Variants in TGM6 observed in about 807,000 individuals in gnomAD.
TGM6 encodes transglutaminase 6.
TGM6 carries 74 observed loss-of-function variants against 77.5 expected under a neutral mutation model. That is an observed-to-expected ratio of 0.96 (90% CI 0.79 to 1.16). The LOEUF is 1.16. TGM6 is among the 50% of genes most tolerant of loss of function. The probability of loss-of-function intolerance (pLI) is 0.00; values close to 1 mark genes in which losing one functional copy is unlikely to be tolerated. For synonymous variants in TGM6, 383 were observed against 378.9 expected (o/e 1.01, Z -0.12); for missense variants, 968 against 940.2 (o/e 1.03, Z -0.39).
intron 9 of TGM6, among the ~76,000 whole-genome samples, chr20:2,406,362 A>T (rs1419331355): frequency 6.6e-6 from 1 of 151,510 alleles, no homozygotes; most frequent in East Asian, 2.0e-4. Context: ...GCATGGTGGC[A>T]TATGCCTGTA....
chr20:2,383,457 G>T (rs1162387302), intron 1 of TGM6, among the ~76,000 whole-genome samples: 2 of 152,188 alleles, frequency 1.3e-5, no homozygotes, highest in Admixed American at 1.3e-4. Context: ...GGGGCCAGCT[G>T]GTGAGCAAAT....
chr20:2,423,074 C>G (rs1014820488), intron 10 of TGM6, among the ~76,000 whole-genome samples: 1 of 148,010 alleles, frequency 6.8e-6, no homozygotes, highest in Non-Finnish European at 1.5e-5. Context: ...CAGGGTTTGA[C>G]AGGATTGACT....
intron 9 of TGM6, among the ~76,000 whole-genome samples, chr20:2,415,827 TC>T (rs2084812619): frequency 6.6e-6 from 1 of 152,038 alleles, no homozygotes; most frequent in African/African-American, 2.4e-5. Flanking sequence ...GGGGGCGCTG[TC>T]CAGTTCTTTG....
intron 1 of TGM6, among the ~76,000 whole-genome samples, chr20:2,386,469 T>A (rs2084596792): frequency 1.3e-5 from 2 of 151,954 alleles, no homozygotes; most frequent in African/African-American, 4.8e-5. Flanking sequence ...AAGAAGTGTG[T>A]TCTATGGGGT....
chr20:2,406,882 A>G (rs2084756325), intron 9 of TGM6, among the ~76,000 whole-genome samples: 1 of 148,864 alleles, frequency 6.7e-6, no homozygotes, highest in Non-Finnish European at 1.5e-5. Context: ...GCCACAGGAG[A>G]AATTAACATC....
chr20:2,420,036 A>G (rs1480554628), intron 10 of TGM6, among the ~76,000 whole-genome samples: 4 of 152,168 alleles, frequency 2.6e-5, no homozygotes, highest in Non-Finnish European at 5.9e-5. Flanking sequence ...CGAGGTCAGG[A>G]GATGGAGACC....
chr20:2,396,919 A>G (rs1428324855), intron 4 of TGM6, among the ~76,000 whole-genome samples: 2 of 152,208 alleles, frequency 1.3e-5, no homozygotes, highest in Non-Finnish European at 2.9e-5. Flanking sequence ...TCAGAATCCC[A>G]GGAGGGATGG....
intron 12 of TGM6, among the ~76,000 whole-genome samples, chr20:2,431,635 T>G (rs143860160): frequency 1.3e-5 from 2 of 152,214 alleles, no homozygotes; most frequent in African/African-American, 4.8e-5. Context: ...GCCCTTCACA[T>G]GAGGACAGTG....
rs1212608765 is a variant in TGM6 at position 2,432,578 on chromosome 20, C to T, written c.2056C>T (p.Leu686Phe). The change falls in exon 13 of 13, where the codon CTT becomes TTT. Residue 686 changes from leucine (L) to phenylalanine (F), a missense_variant. By Grantham distance (22) the Leu-to-Phe change is conservative. Coordinates refer to ENST00000202625, the MANE Select transcript of TGM6 (RefSeq NM_198994.3). ...KSGPRQLQVD[L>F]VSPHFPDIKG... ...TGGCCCAAGGCAGCTGCAGGTGGAC[C>T]TTGTAAGCCCTCACTTCCCGGACAT... The T allele has an allele frequency of 1.2e-6, 2 of 1,614,016 alleles. No homozygotes were observed.
chr20:2,417,527 A>G lies in TGM6; in HGVS notation c.1632A>G (p.Ala544=). Reference sequence around the variant, plus strand: ...TCCTCTATACCCGCAAGCCAGTGGCAGAGATCCTGCATGAATCCCACGCCG... The same window carrying G: ...TCCTCTATACCCGCAAGCCAGTGGCGGAGATCCTGCATGAATCCCACGCCG... ...ATILYTRKPV[A]EILHESHAVR... Residue 544 remains alanine (A), a synonymous_variant, in exon 10 of 13, where the codon GCA becomes GCG. Transcript: ENST00000202625. 1 of 1,606,718 alleles carries G rather than the reference A, an allele frequency of 6.2e-7. No homozygotes were observed. Among genetic ancestry groups the G allele is most frequent in the Non-Finnish European group, 8.5e-7 (1 of 1,179,970 alleles).
At position 2,400,397 on chromosome 20, in the gene TGM6, G is replaced by A; in HGVS notation, c.942G>A (p.Val314=). The A allele has an allele frequency of 6.2e-7, 1 of 1,614,166 alleles. No homozygotes were observed. The highest frequency in any genetic ancestry group is 8.5e-7 in the Non-Finnish European group (1 of 1,180,042). The change falls in exon 7 of 13, where the codon GTG becomes GTA. Residue 314 remains valine, a synonymous_variant. Transcript: ENST00000202625. ...TDQNLSVDKY[V]DSFGRTLEDL... ...AGAACCTGAGTGTGGACAAATACGT[G>A]GACTCCTTCGGGCGGACCCTGGAGG...
At chr20:2,398,827 C>T (rs78396617) in intron 5 of TGM6, among the ~76,000 whole-genome samples, 11,475 of 151,912 alleles carry the variant, frequency 0.076, 535 homozygotes, top group East Asian at 0.21. Context: ...TCTGCAGGGC[C>T]CACCACCTCC....
chr20:2,389,335 G>C (rs1224376766), intron 1 of TGM6, among the ~76,000 whole-genome samples: 1 of 152,176 alleles, frequency 6.6e-6, no homozygotes, highest in Non-Finnish European at 1.5e-5. Context: ...CAAGCCTTCA[G>C]ATGAACATGG....
In TGM6 at chr20:2,417,553, T is replaced by C; in HGVS notation, c.1658T>C (p.Val553Ala). The C allele has an allele frequency of 6.2e-7, 1 of 1,602,988 alleles. No individual in the cohort carries two copies. Among genetic ancestry groups the C allele is most frequent in the South Asian group, 1.1e-5 (1 of 90,934 alleles). ...VAEILHESHA[V>A]RLGPQEEKRI... Reference sequence around the variant, plus strand: ...GAGATCCTGCATGAATCCCACGCCGTGAGGCTGGGGCCGCAAGAAGGTAAG... The same window carrying C: ...GAGATCCTGCATGAATCCCACGCCGCGAGGCTGGGGCCGCAAGAAGGTAAG... The change falls in exon 10 of 13, where the codon GTG (valine) becomes GCG (alanine). Residue 553 changes from valine to alanine, a missense_variant. Val to Ala is a moderately conservative substitution (Grantham distance 64, BLOSUM62 0). Coordinates refer to ENST00000202625, the MANE Select transcript of TGM6 (RefSeq NM_198994.3).
At chr20:2,428,308 A>C (rs2084902482) in intron 10 of TGM6, among the ~76,000 whole-genome samples, 1 of 152,122 alleles carries the variant, frequency 6.6e-6, no homozygotes, top group African/African-American at 2.4e-5. Flanking sequence ...CTTTTATTAG[A>C]TTGTTAGTGG....
chr20:2,405,989 C>T (rs2084748012), intron 9 of TGM6, among the ~76,000 whole-genome samples: 1 of 152,176 alleles, frequency 6.6e-6, no homozygotes, highest in African/African-American at 2.4e-5. Flanking sequence ...TCTGTAGGCA[C>T]CCCCAATCTT....
At chr20:2,396,676 C>T (rs781436768) in intron 4 of TGM6, 52 bp downstream of exon 4, 110 of 1,560,102 alleles carry the variant, frequency 7.1e-5, no homozygotes, top group South Asian at 3.9e-4. Flanking sequence ...ATGGGGAGGT[C>T]GGTGGGACTG....
chr20:2,393,208 C>T (rs1362715254), intron 1 of TGM6, among the ~76,000 whole-genome samples: 1 of 152,258 alleles, frequency 6.6e-6, no homozygotes, highest in Non-Finnish European at 1.5e-5. Context: ...AAAATTGTCA[C>T]CTGACCTGAC....
intron 5 of TGM6, 91 bp downstream of exon 5, chr20:2,398,137 C>T (rs2084681919): frequency 6.2e-7 from 1 of 1,604,502 alleles, no homozygotes; most frequent in Non-Finnish European, 8.5e-7. Flanking sequence ...CCCATCACCC[C>T]TTGTTTTAAT....
Sources: gnomAD v4.1 joint callset for allele counts (sites outside exome capture counted in the v4.1 genomes callset) on GRCh38, gnomAD v4.1.1 for gene constraint, MANE v1.5 for transcripts, NCBI Gene and HGNC (gene_info 2026-07-23, HGNC 2026-07-21) for gene names.